Variants in FAM210A observed in about 807,000 individuals in gnomAD.
The protein encoded by FAM210A is family with sequence similarity 210 member A.
In FAM210A, 13 loss-of-function variants were observed where a neutral mutation model predicts 25.3. The observed-to-expected ratio is 0.51, with a 90% CI of 0.33 to 0.82. FAM210A has a LOEUF of 0.82. Ranked by LOEUF, FAM210A falls within the 40% of genes least tolerant of loss-of-function variation. The pLI is 0.02. For synonymous variants in FAM210A, 125 were observed against 118.7 expected (o/e 1.05, Z -0.35); for missense variants, 319 against 323.2 (o/e 0.99, Z 0.10).
intron 1 of FAM210A, among the ~76,000 whole-genome samples, chr18:13,688,992 G>A (rs563501677): frequency 4.6e-5 from 7 of 152,346 alleles, no homozygotes; most frequent in Admixed American, 2.0e-4. Context: ...GCTCCCTCCC[G>A]TGAGGGGTTG....
Position 13,671,921 on chromosome 18 carries a change from C to A in FAM210A, c.526G>T (p.Val176Leu). 1 of 1,613,416 alleles carries A rather than the reference C, an allele frequency of 6.2e-7. No individual in the cohort carries two copies. Among genetic ancestry groups the A allele is most frequent in the Middle Eastern group, 1.7e-4 (1 of 6,060 alleles). The change falls in exon 3 of 4, where the codon GTA becomes TTA. Residue 176 changes from valine (V) to leucine (L), a missense_variant. Val to Leu is a conservative substitution (Grantham distance 32, BLOSUM62 1). Transcript: ENST00000651643. Reference sequence around the variant, plus strand: ...CTCTGGGAGTTTTTCAGGATGCTTACCACACTGTCAGGTAACCCAATGAGT... The same window carrying A: ...CTCTGGGAGTTTTTCAGGATGCTTAACACACTGTCAGGTAACCCAATGAGT... Reference protein sequence around the residue: ...LELIGLPDSVVSILKNSQSGN... With the variant: ...LELIGLPDSVLSILKNSQSGN...
intron 3 of FAM210A, 62 bp downstream of exon 3, chr18:13,671,800 G>A (rs886180424): frequency 5.9e-6 from 6 of 1,012,150 alleles, no homozygotes; most frequent in African/African-American, 3.2e-5. Context: ...GAATCTCATG[G>A]GAAAGTGAGC....
chr18:13,709,601 C>T (rs1259584897), intron 1 of FAM210A, among the ~76,000 whole-genome samples: 2 of 152,088 alleles, frequency 1.3e-5, no homozygotes, highest in Admixed American at 1.3e-4. Context: ...TTTCATTTTT[C>T]CTACACCACT....
At chr18:13,715,540 G>C (rs1428108453) in intron 1 of FAM210A, among the ~76,000 whole-genome samples, 1 of 152,142 alleles carries the variant, frequency 6.6e-6, no homozygotes, top group African/African-American at 2.4e-5. Context: ...CTACTAGAAT[G>C]ACAAACTGGG....
chr18:13,674,074 T>A (rs879789114), intron 2 of FAM210A, among the ~76,000 whole-genome samples: 8 of 144,764 alleles, frequency 5.5e-5, no homozygotes, highest in African/African-American at 1.8e-4. Context: ...CTGATTATTA[T>A]AATTCCTGAG....
intron 1 of FAM210A, among the ~76,000 whole-genome samples, chr18:13,708,657 C>T (rs143945890): frequency 2.0e-5 from 3 of 152,188 alleles, no homozygotes; most frequent in Non-Finnish European, 4.4e-5. Context: ...TTATACTATA[C>T]CTAGCTTCTT....
At chr18:13,687,838 T>C (rs1158195045) in intron 1 of FAM210A, 1 of 152,222 alleles carries the variant, frequency 6.6e-6, no homozygotes, top group Non-Finnish European at 1.5e-5. Context: ...GAAACTTGCC[T>C]CGGTCTCTTT....
intron 1 of FAM210A, among the ~76,000 whole-genome samples, chr18:13,698,514 C>G (rs924755725): frequency 3.9e-5 from 6 of 152,042 alleles, no homozygotes; most frequent in African/African-American, 1.5e-4. Context: ...CTTTCCACCT[C>G]TTTTTATTTA....
chr18:13,675,073 A>G (rs11080670), intron 2 of FAM210A, among the ~76,000 whole-genome samples: 8,604 of 13,058 alleles, frequency 0.66, 2,260 homozygotes, highest in African/African-American at 0.66. Flanking sequence ...CCTGAGCCCC[A>G]ACTTCATTAT....
intron 1 of FAM210A, among the ~76,000 whole-genome samples, chr18:13,690,148 G>A (rs975572884): frequency 3.9e-5 from 6 of 152,212 alleles, no homozygotes; most frequent in Non-Finnish European, 7.3e-5. Context: ...ACGGAGCCTC[G>A]CTCACTGCTA....
chr18:13,687,989 T>C (rs2043610871), intron 1 of FAM210A: 1 of 152,160 alleles, frequency 6.6e-6, no homozygotes, highest in Non-Finnish European at 1.5e-5. Flanking sequence ...CCCATCTCAT[T>C]AACCTCCATT....
intron 1 of FAM210A, among the ~76,000 whole-genome samples, chr18:13,711,340 C>T (rs888921479): frequency 2.0e-5 from 3 of 151,942 alleles, no homozygotes; most frequent in East Asian, 1.9e-4. Flanking sequence ...CACTGCACTC[C>T]GGCCTGGGGA....
chr18:13,717,452 G>C (rs906353447), intron 1 of FAM210A, among the ~76,000 whole-genome samples: 1 of 123,998 alleles, frequency 8.1e-6, no homozygotes, highest in Non-Finnish European at 1.8e-5. Flanking sequence ...CCAAGTCTAA[G>C]TTTTGAACTT....
chr18:13,720,120 A>G (rs2149071790), intron 1 of FAM210A, among the ~76,000 whole-genome samples: 1 of 152,324 alleles, frequency 6.6e-6, no homozygotes, highest in Non-Finnish European at 1.5e-5. Flanking sequence ...TAGCAAGCCC[A>G]AAAGCTGTTT....
chr18:13,692,797 A>G (rs547245331), intron 1 of FAM210A, among the ~76,000 whole-genome samples: 1 of 152,368 alleles, frequency 6.6e-6, no homozygotes, highest in African/African-American at 2.4e-5. Flanking sequence ...GAAAGCAGGA[A>G]AGATCTAAAA....
intron 1 of FAM210A, among the ~76,000 whole-genome samples, chr18:13,701,767 CT>C (rs1443718902): frequency 6.6e-6 from 1 of 152,212 alleles, no homozygotes; most frequent in Non-Finnish European, 1.5e-5. Context: ...GAAATTAAAT[CT>C]ACTAACCTTT....
intron 1 of FAM210A, among the ~76,000 whole-genome samples, chr18:13,694,034 A>G (rs1204288840): frequency 6.6e-6 from 1 of 151,854 alleles, no homozygotes; most frequent in African/African-American, 2.4e-5. Context: ...CTTCTGCAGG[A>G]TACAAAATCA....
intron 1 of FAM210A, among the ~76,000 whole-genome samples, chr18:13,690,563 G>C (rs573226416): frequency 8.9e-4 from 136 of 152,306 alleles, no homozygotes; most frequent in African/African-American, 3.1e-3. Context: ...AGCTTCCAGA[G>C]GCAGGATCAG....
rs2043388415 is a variant in FAM210A, at chr18:13,665,019, C to CA, written c.*1460dup. 6.5e-6 allele frequency: 1 copy of CA among 152,874 alleles called. No homozygotes were observed. The highest frequency in any genetic ancestry group is 2.4e-5 in the African/African-American group (1 of 41,450). 9.5% of individuals were successfully genotyped at this position (152,874 alleles called of 1,614,324 possible). A position where few individuals can be genotyped will look rare whatever the true frequency, so the allele number is the denominator to read the frequency against. On this transcript the variant is annotated 3_prime_UTR_variant, in exon 4 of 4. Transcript: ENST00000651643. The stretch of plus-strand genomic sequence containing the variant: ...CACCCCACCAGCCCCGCAACGCTCA[C>CA]AGCTGACAACGGCTGAATTTCATTA...
Sources: allele counts gnomAD v4.1 joint callset (sites outside exome capture counted in the v4.1 genomes callset), GRCh38; gene constraint gnomAD v4.1.1; transcripts MANE v1.5; gene names NCBI Gene and HGNC (gene_info 2026-07-23, HGNC 2026-07-21).